Variants in CARMIL3 observed in about 807,000 individuals in gnomAD.
The protein encoded by CARMIL3 is capping protein, Arp2/3 and myosin-I linker protein 3.
Under a neutral mutation model 180.8 loss-of-function variants are expected in CARMIL3, and 88 were observed. The ratio of observed to expected loss-of-function variants is 0.49; its 90% CI spans 0.41 to 0.58. The LOEUF (loss-of-function observed/expected upper bound fraction) is 0.58. Ranked by LOEUF, CARMIL3 falls within the 20% of genes least tolerant of loss-of-function variation. CARMIL3 has a pLI of 0.00. For synonymous variants in CARMIL3, 696 were observed against 714.5 expected, an observed-to-expected ratio of 0.97 and a Z score of 0.41; for missense variants, 1,548 against 1,787.0, an observed-to-expected ratio of 0.87 and a Z score of 2.41.
In CARMIL3 at chr14:24,062,755, G is replaced by C. The variant is rs761097749; in HGVS notation, c.2615G>C (p.Cys872Ser). ...AGGACGCTGTCAGATCCACCAGGGTGCCCAGGCCAAGGGCAGGATCTGTCC... is the reference window on the plus strand; with the variant it reads ...AGGACGCTGTCAGATCCACCAGGGTCCCCAGGCCAAGGGCAGGATCTGTCC... ...QLRTLSDPPGCPGQGQDLSSR... is the reference protein window; with the variant it reads ...QLRTLSDPPGSPGQGQDLSSR... The change falls in exon 29 of 40, where the codon TGC becomes TCC. Residue 872 changes from cysteine to serine, a missense_variant. Cys to Ser is a moderately radical substitution (Grantham distance 112, BLOSUM62 -1). Around this residue, in one of 4 missense-constraint regions of CARMIL3, gnomAD observed 668 missense variants for 687.8 expected, o/e 0.97. Coordinates refer to ENST00000342740, the MANE Select transcript of CARMIL3 (RefSeq NM_138360.4). The C allele has an allele frequency of 6.2e-7, 1 of 1,613,528 alleles. No individual in the cohort carries two copies. The highest frequency in any genetic ancestry group is 1.1e-5 in the South Asian group (1 of 90,980).
Position 24,057,832 on chromosome 14 carries a change from C to T in CARMIL3, c.1170C>T (p.Cys390=), listed in dbSNP as rs752087324. Residue 390 remains cysteine, a synonymous_variant, in exon 15 of 40, where the codon TGC becomes TGT. Coordinates refer to ENST00000342740, the MANE Select transcript of CARMIL3 (RefSeq NM_138360.4). Reference sequence around the variant, plus strand: ...TCGGTGCCCTGCTCCACGGCTGCTGCTCCCACCTCACCTACCTCAACCTGG... The same window carrying T: ...TCGGTGCCCTGCTCCACGGCTGCTGTTCCCACCTCACCTACCTCAACCTGG... ...LLLGALLHGC[C]SHLTYLNLAR... 2.5e-6 allele frequency: 4 copies of T among 1,611,434 alleles called. No homozygotes were observed. The South Asian group carries it at 4.4e-5, about 18-fold the overall frequency.
At chr14:24,055,863 A>T in intron 10 of CARMIL3, 74 bp downstream of exon 10, 2 of 1,351,968 alleles carry the variant, frequency 1.5e-6, no homozygotes, top group Non-Finnish European at 2.1e-6. Context: ...TCAGAGCATG[A>T]TGCAGGCCTC....
chr14:24,063,583 G>A (rs771785911), intron 31 of CARMIL3, 50 bp downstream of exon 31: 2 of 1,538,122 alleles, frequency 1.3e-6, no homozygotes, highest in African/African-American at 1.4e-5. Context: ...AGTGACACCA[G>A]AGCCAGGAGT....
intron 14 of CARMIL3, 50 bp from the exon 15 acceptor site, chr14:24,057,753 C>A (rs753515803): frequency 2.6e-6 from 4 of 1,520,604 alleles, no homozygotes; most frequent in Non-Finnish European, 3.6e-6. Flanking sequence ...TTCCTGCCAC[C>A]CCCTACCCCC....
chr14:24,058,103 C>T lies in CARMIL3; in HGVS notation c.1322+39C>T. 6.2e-7 allele frequency: 1 copy of T among 1,613,778 alleles called. No individual in the cohort carries two copies. Among genetic ancestry groups the T allele is most frequent in the Non-Finnish European group, 8.5e-7 (1 of 1,179,968 alleles). On this transcript the variant is annotated intron_variant, in intron 16 of 39. Transcript: ENST00000342740. The surrounding 1 kb of genome is among the most constrained non-coding windows in gnomAD (Gnocchi z 6.4). Reference sequence around the variant, plus strand: ...AGGGTTGGGGGCGCATCCAAGGGAACCACGGGGAGCGGGAAGAGGTAAAGG... The same window carrying T: ...AGGGTTGGGGGCGCATCCAAGGGAATCACGGGGAGCGGGAAGAGGTAAAGG...
chr14:24,062,454 C>T (rs749363527), intron 27 of CARMIL3, 26 bp from the exon 28 acceptor site: 2 of 1,604,046 alleles, frequency 1.2e-6, no homozygotes, highest in Admixed American at 1.7e-5. Context: ...TGCTAATGTT[C>T]TGAGTAGCCC....
Position 24,064,968 on chromosome 14 carries a change from A to T in CARMIL3, c.3091A>T (p.Thr1031Ser). 4 of 1,610,804 alleles carry T rather than the reference A, an allele frequency of 2.5e-6. No homozygotes were observed. The highest frequency in any genetic ancestry group is 3.4e-6 in the Non-Finnish European group (4 of 1,179,112). Reference protein sequence around the residue: ...VLEESSSYPRTLRTVRPGLSE... With the variant: ...VLEESSSYPRSLRTVRPGLSE... ...CCCGATTCTCCCCAGCTACCCCCGG[A>T]CTCTGAGGACCGTGCGGCCAGGACT... The change falls in exon 33 of 40, where the codon ACT becomes TCT. Residue 1031 changes from threonine to serine, a missense_variant. Physicochemically the swap from Thr to Ser is moderately conservative, Grantham distance 58. Transcript: ENST00000342740.
At chr14:24,064,602 G>C (rs550356715) in intron 32 of CARMIL3, among the ~76,000 whole-genome samples, 1 of 152,284 alleles carries the variant, frequency 6.6e-6, no homozygotes, top group South Asian at 2.1e-4. Context: ...GTGGATGAGA[G>C]GGAGGTGGGG....
Position 24,054,179 on chromosome 14 carries a change from C to T in CARMIL3, c.186+41C>T, listed in dbSNP as rs145282764. 7.5e-3 allele frequency: 12,042 copies of T among 1,614,152 alleles called. 65 individuals carry two copies. Among genetic ancestry groups the T allele is most frequent in the Non-Finnish European group, 8.8e-3 (10,376 of 1,180,008 alleles). ...GAGCAGGAGAGCACCTGGCATGCTC[C>T]CTACCTCCCAAGCCTGGCAACCCAG... On this transcript the variant is annotated intron_variant, in intron 3 of 39. Transcript: ENST00000342740. This position sits in a 1 kb window ranked among gnomAD's most constrained non-coding sequence, Gnocchi z 5.1.
chr14:24,065,919 G>A (rs890782356), intron 34 of CARMIL3, among the ~76,000 whole-genome samples, 169 bp downstream of exon 34: 1 of 152,136 alleles, frequency 6.6e-6, no homozygotes, highest in African/African-American at 2.4e-5. Flanking sequence ...TGGAGCCCTG[G>A]ACTGGTCACT....
intron 24 of CARMIL3, 91 bp from the exon 25 acceptor site, chr14:24,060,537 G>T: frequency 6.5e-7 from 1 of 1,535,350 alleles, no homozygotes. Flanking sequence ...CACCACTGTC[G>T]GTGCCAGCAC....
At chr14:24,064,212 G>T in intron 31 of CARMIL3, 34 bp from the exon 32 acceptor site, 1 of 1,534,128 alleles carries the variant, frequency 6.5e-7, no homozygotes. Context: ...TCCTGACCTA[G>T]ATGAGATGTC....
chr14:24,057,331 A>AC, intron 14 of CARMIL3, 87 bp downstream of exon 14: 1 of 1,231,118 alleles, frequency 8.1e-7, no homozygotes. Context: ...CCCTGAGTAC[A>AC]CAGGCGGGCA....
In CARMIL3 at chr14:24,059,515, C is replaced by A; in HGVS notation, c.1799+73C>A. On this transcript the variant is annotated intron_variant, in intron 21 of 39. Coordinates refer to ENST00000342740, the MANE Select transcript of CARMIL3 (RefSeq NM_138360.4). The surrounding 1 kb of genome is among the most constrained non-coding windows in gnomAD (Gnocchi z 6.3). ...CATATGTACATAATCTCCCTGCTTT[C>A]CTTGATGCTCTGGACCCCAGCTTCC... 1 of 1,527,256 alleles carries A rather than the reference C, an allele frequency of 6.5e-7. No homozygotes were observed. 94.6% of individuals were successfully genotyped at this position (1,527,256 alleles called of 1,614,324 possible).
rs770279380 is a variant in CARMIL3 at position 24,054,156 on chromosome 14, G to A, written c.186+18G>A. On this transcript the variant is annotated intron_variant, in intron 3 of 39. Transcript: ENST00000342740. The surrounding 1 kb of genome is among the most constrained non-coding windows in gnomAD (Gnocchi z 5.1). ...CGGCCAAGGTGAGTTGGGCTGAGGA[G>A]CAGGAGAGCACCTGGCATGCTCCCT... is the stretch of plus-strand genomic sequence containing the variant. The A allele has an allele frequency of 7.4e-5, 120 of 1,614,024 alleles. No homozygotes were observed. Among genetic ancestry groups the A allele is most frequent in the Non-Finnish European group, 1.0e-4 (119 of 1,180,010 alleles).
Position 24,061,191 on chromosome 14 carries a change from T to C in CARMIL3, c.2304+151T>C. 1 of 686,522 alleles carries C rather than the reference T, an allele frequency of 1.5e-6. No homozygotes were observed. The highest frequency in any genetic ancestry group is 2.4e-6 in the Non-Finnish European group (1 of 410,738). 42.5% of individuals were successfully genotyped at this position (686,522 alleles called of 1,614,324 possible). On this transcript the variant is annotated intron_variant, in intron 26 of 39. Coordinates refer to ENST00000342740, the MANE Select transcript of CARMIL3 (RefSeq NM_138360.4). The surrounding 1 kb of genome is among the most constrained non-coding windows in gnomAD (Gnocchi z 4.1). ...CCCACGCTCCCACTGTACCAAGGCA[T>C]TGCTGCAATATCAGGCTTGGATTTT...
chr14:24,066,638 G>C lies in CARMIL3; in HGVS notation c.3664G>C (p.Glu1222Gln). 3.7e-6 allele frequency: 6 copies of C among 1,614,236 alleles called. No homozygotes were observed. The highest frequency in any genetic ancestry group is 5.1e-6 in the Non-Finnish European group (6 of 1,180,046). ...AAGCTTCAGCGCCATGCGCAGAGCA[G>C]AGGCCACATGGCACATAGGTATGGA... ...KPSFSAMRRA[E>Q]ATWHIAEESA... The change falls in exon 36 of 40, where the codon GAG (glutamate) becomes CAG (glutamine). Residue 1222 changes from glutamate to glutamine, a missense_variant. This residue lies in a region of CARMIL3 where 668 missense variants were observed against 687.8 expected (regional missense o/e 0.97). Coordinates refer to ENST00000342740, the MANE Select transcript of CARMIL3 (RefSeq NM_138360.4).
chr14:24,060,882 A>G (rs2035725867), intron 25 of CARMIL3, 45 bp from the exon 26 acceptor site: 2 of 1,543,826 alleles, frequency 1.3e-6, no homozygotes, highest in Non-Finnish European at 1.8e-6. Context: ...GAGACCTAGC[A>G]AGTCCTGGTT....
rs372804047 is a variant in CARMIL3 at position 24,055,249 on chromosome 14, A to G, written c.544A>G (p.Ile182Val). Reference protein sequence around the residue: ...REEVQWDVDTIYHAEDNREFN... With the variant: ...REEVQWDVDTVYHAEDNREFN... ...CCACCTCTCCAAGGATGTGGACACCATCTACCATGCTGAAGATAACCGGGA... is the reference window on the plus strand; with the variant it reads ...CCACCTCTCCAAGGATGTGGACACCGTCTACCATGCTGAAGATAACCGGGA... The change falls in exon 8 of 40, where the codon ATC (isoleucine) becomes GTC (valine). Residue 182 changes from isoleucine (I) to valine (V), a missense_variant. Physicochemically the swap from Ile to Val is conservative, Grantham distance 29. Coordinates refer to ENST00000342740, the MANE Select transcript of CARMIL3 (RefSeq NM_138360.4). 1.2e-5 allele frequency: 19 copies of G among 1,614,054 alleles called. No homozygotes were observed. The highest frequency in any genetic ancestry group is 1.6e-5 in the Non-Finnish European group (19 of 1,180,034).
Sources: allele counts gnomAD v4.1 joint callset (sites outside exome capture counted in the v4.1 genomes callset), GRCh38; gene constraint gnomAD v4.1.1; regional missense constraint gnomAD v4.1.1; non-coding constraint Gnocchi (gnomAD v3.1); transcripts MANE v1.5; gene names NCBI Gene and HGNC (gene_info 2026-07-23, HGNC 2026-07-21).